KCNB2: variants seen among roughly 807,000 people sequenced by gnomAD.
KCNB2 encodes potassium voltage-gated channel subfamily B member 2, also known as delayed rectifier potassium channel protein.
A neutral mutation model predicts 61.5 loss-of-function variants in KCNB2; 15 were observed. That is an observed-to-expected ratio of 0.24 (90% CI 0.16 to 0.38). The LOEUF (loss-of-function observed/expected upper bound fraction) is 0.38, where lower values mean the gene tolerates loss of function less well. Ranked by LOEUF, KCNB2 falls within the 10% of genes least tolerant of loss-of-function variation. The pLI, the probability that KCNB2 is intolerant of heterozygous loss-of-function variation, is 1.00. For missense variants in KCNB2, 828 were observed against 1,125.2 expected (o/e 0.74, Z 3.78); for synonymous variants, 457 against 446.0 (o/e 1.02, Z -0.31).
chr8:72,767,643 G>A (rs188360456), intron 2 of KCNB2, among the ~76,000 whole-genome samples: 10 of 152,282 alleles, frequency 6.6e-5, no homozygotes, highest in Non-Finnish European at 1.2e-4. Context: ...TGGGCATTTG[G>A]ATTGTTTCCA....
At chr8:72,625,716 C>A (rs1805779405) in intron 2 of KCNB2, among the ~76,000 whole-genome samples, 1 of 152,120 alleles carries the variant, frequency 6.6e-6, no homozygotes. Flanking sequence ...CGGGCATGAG[C>A]CACTGCACCC....
At chr8:72,609,664 A>G (rs1184632034) in intron 2 of KCNB2, among the ~76,000 whole-genome samples, 1 of 152,346 alleles carries the variant, frequency 6.6e-6, no homozygotes, top group African/African-American at 2.4e-5. Context: ...AACACCAAGG[A>G]AGAAATATTT....
At chr8:72,921,860 A>C (rs541973852) in intron 2 of KCNB2, among the ~76,000 whole-genome samples, 1 of 152,306 alleles carries the variant, frequency 6.6e-6, no homozygotes, top group East Asian at 1.9e-4. Flanking sequence ...TAAGGTTCCA[A>C]ACCCCTATGA....
intron 2 of KCNB2, among the ~76,000 whole-genome samples, chr8:72,628,515 A>T (rs1232441849): frequency 6.6e-6 from 1 of 151,906 alleles, no homozygotes; most frequent in Non-Finnish European, 1.5e-5. Context: ...GCAGGTTAGC[A>T]GATTTTTCCC....
At chr8:72,736,369 A>T (rs1051266694) in intron 2 of KCNB2, among the ~76,000 whole-genome samples, 1 of 152,110 alleles carries the variant, frequency 6.6e-6, no homozygotes, top group Non-Finnish European at 1.5e-5. Flanking sequence ...ACGATGGAGA[A>T]CTGGAGGACT....
At chr8:72,715,614 G>A (rs896595147) in intron 2 of KCNB2, among the ~76,000 whole-genome samples, 9 of 152,108 alleles carry the variant, frequency 5.9e-5, no homozygotes, top group African/African-American at 9.7e-5. Flanking sequence ...TGAAACCAAC[G>A]AGAACAAAGA....
At chr8:72,859,586 A>G (rs1810262123) in intron 2 of KCNB2, among the ~76,000 whole-genome samples, 2 of 150,398 alleles carry the variant, frequency 1.3e-5, no homozygotes, top group Admixed American at 1.3e-4. Flanking sequence ...AGATTTGCCT[A>G]TTCTCGGCAT....
chr8:72,719,115 G>A (rs182824553), intron 2 of KCNB2, among the ~76,000 whole-genome samples: 2 of 151,278 alleles, frequency 1.3e-5, no homozygotes, highest in East Asian at 3.9e-4. Context: ...TTGTTTGTTT[G>A]TTTTTGCTGG....
intron 2 of KCNB2, among the ~76,000 whole-genome samples, chr8:72,581,395 G>A (rs919022538): frequency 6.6e-6 from 1 of 152,148 alleles, no homozygotes; most frequent in South Asian, 2.1e-4. Context: ...TGCTCAGCTA[G>A]GTTGCAGCAC....
At chr8:72,779,408 A>G (rs1808718444) in intron 2 of KCNB2, among the ~76,000 whole-genome samples, 1 of 152,208 alleles carries the variant, frequency 6.6e-6, no homozygotes, top group Admixed American at 6.5e-5. Flanking sequence ...TTTCTTGGGC[A>G]GAATGTCCAG....
intron 2 of KCNB2, among the ~76,000 whole-genome samples, chr8:72,678,431 A>G (rs1806697554): frequency 6.6e-6 from 1 of 151,764 alleles, no homozygotes; most frequent in Non-Finnish European, 1.5e-5. Context: ...GTTGCAGCCA[A>G]TCTGGCCTCT....
intron 2 of KCNB2, among the ~76,000 whole-genome samples, chr8:72,666,297 G>A (rs1268695227): frequency 6.6e-6 from 1 of 151,862 alleles, no homozygotes; most frequent in Non-Finnish European, 1.5e-5. Flanking sequence ...CTACATTTTC[G>A]ATCCCTTTTT....
At chr8:72,934,770 C>T (rs1487290980) in intron 2 of KCNB2, among the ~76,000 whole-genome samples, 1 of 152,000 alleles carries the variant, frequency 6.6e-6, no homozygotes, top group Non-Finnish European at 1.5e-5. Context: ...TTTCCTTCTC[C>T]ACCAAGAATT....
intron 2 of KCNB2, among the ~76,000 whole-genome samples, chr8:72,857,356 A>G (rs1261126273): frequency 6.6e-6 from 1 of 152,200 alleles, no homozygotes; most frequent in African/African-American, 2.4e-5. Flanking sequence ...TAGAGGAATG[A>G]GCATATGGAA....
chr8:72,568,277 C>T lies in KCNB2; in HGVS notation c.543C>T (p.Asp181=). Residue 181 remains aspartate (D), a synonymous_variant, in exon 2 of 3, where the codon GAC becomes GAT. Coordinates refer to ENST00000523207, the MANE Select transcript of KCNB2 (RefSeq NM_004770.3). ...CTGATAAAAGGAAGAAACTGTGGGA[C>T]TTGCTGGAGAAACCTAACTCATCAG... The part of the protein sequence containing the change: ...CCPDKRKKLW[D]LLEKPNSSVA... 1.2e-6 allele frequency: 2 copies of T among 1,612,708 alleles called. No homozygotes were observed. Among genetic ancestry groups the T allele is most frequent in the Non-Finnish European group, 1.7e-6 (2 of 1,179,690 alleles).
chr8:72,882,244 C>T (rs926670323), intron 2 of KCNB2, among the ~76,000 whole-genome samples: 1 of 152,176 alleles, frequency 6.6e-6, no homozygotes, highest in African/African-American at 2.4e-5. Context: ...CATGGGCCGC[C>T]TATACCACTC....
intron 2 of KCNB2, among the ~76,000 whole-genome samples, chr8:72,737,030 TA>T (rs1807858157): frequency 6.6e-6 from 1 of 151,204 alleles, no homozygotes; most frequent in Non-Finnish European, 1.5e-5. Context: ...ATGTAGTTGC[TA>T]TTTTTTTTTT....
chr8:72,654,112 C>A (rs1806254343), intron 2 of KCNB2, among the ~76,000 whole-genome samples: 1 of 152,092 alleles, frequency 6.6e-6, no homozygotes, highest in Non-Finnish European at 1.5e-5. Flanking sequence ...CTCTGTTTCA[C>A]AGGAAGATAA....
At position 72,567,770 on chromosome 8, in the gene KCNB2, G is replaced by T; in HGVS notation, c.36G>T (p.Lys12Asn). Residue 12 changes from lysine to asparagine, a missense_variant, in exon 2 of 3, where the codon AAG (lysine) becomes AAT (asparagine). Coordinates refer to ENST00000523207, the MANE Select transcript of KCNB2 (RefSeq NM_004770.3). ...AGGCTCCCCCGGGCTTAAACAGGAA[G>T]ACTTCAAGGTCGACACTTTCCCTTC... ...AEKAPPGLNRKTSRSTLSLPP... is the reference protein window; with the variant it reads ...AEKAPPGLNRNTSRSTLSLPP... 1 of 1,594,818 alleles carries T rather than the reference G, an allele frequency of 6.3e-7. No individual in the cohort carries two copies. The highest frequency in any genetic ancestry group is 1.1e-5 in the South Asian group (1 of 87,578).
Sources: allele counts gnomAD v4.1 joint callset (sites outside exome capture counted in the v4.1 genomes callset), GRCh38; gene constraint gnomAD v4.1.1; transcripts MANE v1.5; gene names NCBI Gene and HGNC (gene_info 2026-07-23, HGNC 2026-07-21).